BIRC6: variants seen among roughly 807,000 people sequenced by gnomAD.
The protein encoded by BIRC6 is baculoviral IAP repeat containing 6, also known as dual E2 ubiquitin-conjugating enzyme/E3 ubiquitin-protein ligase BIRC6.
A neutral mutation model predicts 503.3 loss-of-function variants in BIRC6; 98 were observed. The ratio of observed to expected loss-of-function variants is 0.19; its 90% CI spans 0.17 to 0.23. The LOEUF (loss-of-function observed/expected upper bound fraction) is 0.23, where lower values mean the gene tolerates loss of function less well. BIRC6 is among the 10% of genes least tolerant of loss of function. BIRC6 has a pLI of 1.00. For missense variants in BIRC6, 5,360 were observed against 5,806.0 expected (o/e 0.92, Z 2.50); for synonymous variants, 2,240 against 2,078.7 (o/e 1.08, Z -2.11).
At chr2:32,434,916 C>A (rs1398757364) in intron 13 of BIRC6, among the ~76,000 whole-genome samples, 2 of 152,088 alleles carry the variant, frequency 1.3e-5, no homozygotes, top group Non-Finnish European at 2.9e-5. Flanking sequence ...TATTAGTAAA[C>A]TAAAGATGAT....
chr2:32,483,280 C>A (rs745570245), intron 39 of BIRC6, among the ~76,000 whole-genome samples: 1 of 152,050 alleles, frequency 6.6e-6, no homozygotes, highest in Admixed American at 6.6e-5. Flanking sequence ...TAATAAAATA[C>A]ATTTTTTCCC....
intron 65 of BIRC6, among the ~76,000 whole-genome samples, chr2:32,573,174 T>A (rs2060032968): frequency 6.6e-6 from 1 of 152,190 alleles, no homozygotes. Context: ...TCCCAGCCTG[T>A]CCAGCAACAG....
intron 57 of BIRC6, 48 bp from the exon 58 acceptor site, chr2:32,524,840 C>T: frequency 1.7e-6 from 2 of 1,205,134 alleles, no homozygotes; most frequent in Non-Finnish European, 2.2e-6. Context: ...TACTTCTCTT[C>T]TTAATGATTT....
rs1286538125 is a variant in BIRC6 at position 32,447,473 on chromosome 2, G to A, written c.4485-1322G>A. Among the ~76,000 whole-genome samples the A allele has an allele frequency of 5.8e-5, 8 of 137,744 alleles. No individual in the cohort carries two copies. In the East Asian group the frequency reaches 1.6e-3, roughly 28 times the overall value. 90.4% of individuals were successfully genotyped at this position (137,744 alleles called of 152,430 possible). A position where few individuals can be genotyped will look rare whatever the true frequency, so the allele number is the denominator to read the frequency against. On this transcript the variant is annotated intron_variant, in intron 21 of 73. Coordinates refer to ENST00000421745, the MANE Select transcript of BIRC6 (RefSeq NM_016252.4). The stretch of plus-strand genomic sequence containing the variant: ...TCCCGGACTGGGCGGCTGGCCGGGC[G>A]GGGGGCTGATCCCCCCACCTCCCTC...
chr2:32,569,143 C>T (rs978709848), intron 65 of BIRC6, among the ~76,000 whole-genome samples: 3 of 152,044 alleles, frequency 2.0e-5, no homozygotes, highest in South Asian at 2.1e-4. Context: ...ACACCCACAA[C>T]GAGGCCCAGG....
chr2:32,449,599 A>T (rs74969525), intron 22 of BIRC6, among the ~76,000 whole-genome samples: 1 of 152,190 alleles, frequency 6.6e-6, no homozygotes, highest in African/African-American at 2.4e-5. Context: ...ATTTGCAAAC[A>T]GATTAAGGTA....
intron 23 of BIRC6, among the ~76,000 whole-genome samples, chr2:32,458,305 G>C (rs1558780705): frequency 1.3e-5 from 2 of 152,072 alleles, no homozygotes; most frequent in Non-Finnish European, 2.9e-5. Context: ...TGAATCTTTA[G>C]TTGATAGCCT....
intron 56 of BIRC6, 25 bp from the exon 57 acceptor site, chr2:32,518,792 A>T (rs2055338050): frequency 6.2e-7 from 1 of 1,605,562 alleles, no homozygotes; most frequent in Admixed American, 1.7e-5. Context: ...TTACTTCCTG[A>T]TTTCTTTGAT....
chr2:32,430,826 T>TA, intron 11 of BIRC6, 39 bp from the exon 12 acceptor site: 2 of 939,276 alleles, frequency 2.1e-6, no homozygotes, highest in African/African-American at 1.7e-5. Context: ...TTTTTTTTTT[T>TA]CCACACCTAT....
At position 32,445,587 on chromosome 2, in the gene BIRC6, C is replaced by G; in HGVS notation, c.4403C>G (p.Thr1468Arg). The change falls in exon 21 of 74, where the codon ACA becomes AGA. Residue 1468 changes from threonine to arginine, a missense_variant. Coordinates refer to ENST00000421745, the MANE Select transcript of BIRC6 (RefSeq NM_016252.4). ...VKDEDLAGCSTACASLLTAVS... is the reference protein window; with the variant it reads ...VKDEDLAGCSRACASLLTAVS... ...GATGAAGATCTGGCTGGATGCAGTA[C>G]AGCTTGTGCATCTTTGCTTACTGCA... The G allele has an allele frequency of 6.2e-7, 1 of 1,606,468 alleles. No individual in the cohort carries two copies. The highest frequency in any genetic ancestry group is 1.1e-5 in the South Asian group (1 of 89,524).
chr2:32,485,507 T>C (rs962716312), intron 39 of BIRC6, 136 bp from the exon 40 acceptor site: 2 of 577,014 alleles, frequency 3.5e-6, no homozygotes, highest in Non-Finnish European at 6.2e-6. Context: ...GCTCCGATAC[T>C]GCATGTTAGG....
chr2:32,489,478 G>A (rs543212305), intron 42 of BIRC6, among the ~76,000 whole-genome samples: 1 of 151,458 alleles, frequency 6.6e-6, no homozygotes, highest in South Asian at 2.1e-4. Flanking sequence ...ATTTTATTAT[G>A]AGAAATATTA....
At chr2:32,532,917 T>C (rs2056901628) in intron 61 of BIRC6, among the ~76,000 whole-genome samples, 1 of 152,114 alleles carries the variant, frequency 6.6e-6, no homozygotes, top group Non-Finnish European at 1.5e-5. Context: ...TACCTAAGAA[T>C]GTGAAAGTGA....
Position 32,531,509 on chromosome 2 carries a change from T to C in BIRC6, c.12249T>C (p.Ile4083=). The C allele has an allele frequency of 3.1e-6, 5 of 1,613,584 alleles. No homozygotes were observed. Among genetic ancestry groups the C allele is most frequent in the Non-Finnish European group, 4.2e-6 (5 of 1,179,712 alleles). The change falls in exon 61 of 74, where the codon ATT becomes ATC. Residue 4083 remains isoleucine (I), a synonymous_variant. Coordinates refer to ENST00000421745, the MANE Select transcript of BIRC6 (RefSeq NM_016252.4). ...CAGGAATGGGTGGACTGGCTCTTAT[T>C]GCTGAAAGACTACCCATGCTATATC... ...VFAGMGGLAL[I]AERLPMLYPE... is the part of the protein sequence containing the mutation.
intron 22 of BIRC6, among the ~76,000 whole-genome samples, chr2:32,450,017 A>G (rs1204429367): frequency 6.6e-6 from 1 of 152,200 alleles, no homozygotes; most frequent in Non-Finnish European, 1.5e-5. Context: ...GATTGGAACT[A>G]GTAGGAGAGA....
chr2:32,536,388 A>G (rs1198255880), intron 61 of BIRC6, among the ~76,000 whole-genome samples: 2 of 152,282 alleles, frequency 1.3e-5, no homozygotes, highest in African/African-American at 2.4e-5. Flanking sequence ...GCCCATGCCT[A>G]TGTCCTGAAT....
chr2:32,397,735 A>G (rs548494350), intron 6 of BIRC6, among the ~76,000 whole-genome samples: 51 of 150,580 alleles, frequency 3.4e-4, no homozygotes, highest in African/African-American at 1.2e-3. Flanking sequence ...ATTTTAGTAT[A>G]TATTTTTTAG....
At chr2:32,465,185 A>ATTTT (rs374940577) in intron 26 of BIRC6, 21 bp downstream of exon 26, 230 of 847,398 alleles carry the variant, frequency 2.7e-4, no homozygotes, top group South Asian at 7.0e-4. Flanking sequence ...ACTTTCTTAA[A>ATTTT]TTTTTTTTTT....
In BIRC6 at chr2:32,357,393, G is replaced by A. The variant is rs1358980710; in HGVS notation, c.232G>A (p.Ala78Thr). 6.5e-7 allele frequency: 1 copy of A among 1,549,278 alleles called. No individual in the cohort carries two copies. The highest frequency in any genetic ancestry group is 8.7e-7 in the Non-Finnish European group (1 of 1,146,628). ...DGLHSLSYHP[A>T]LNAILAVTSR... ...GCTGCACAGCCTGTCCTACCACCCT[G>A]CGCTCAACGCCATCCTGGCCGTCAC... Residue 78 changes from alanine (A) to threonine (T), a missense_variant, in exon 1 of 74, where the codon GCG becomes ACG. By Grantham distance (58) the Ala-to-Thr change is moderately conservative (BLOSUM62 0). Coordinates refer to ENST00000421745, the MANE Select transcript of BIRC6 (RefSeq NM_016252.4). This position sits in a 1 kb window ranked among gnomAD's most constrained non-coding sequence, Gnocchi z 4.9.
Sources: allele counts gnomAD v4.1 joint callset (sites outside exome capture counted in the v4.1 genomes callset), GRCh38; gene constraint gnomAD v4.1.1; non-coding constraint Gnocchi (gnomAD v3.1); transcripts MANE v1.5; gene names NCBI Gene and HGNC (gene_info 2026-07-23, HGNC 2026-07-21).